The following BPIFA3 variants were observed in gnomAD, a reference collection of about 807,000 sequenced individuals.
BPIFA3 encodes the protein BPI fold-containing family A member 3.
In BPIFA3, 32 loss-of-function variants were observed where a neutral mutation model predicts 29.7. The observed-to-expected ratio is 1.08, with a 90% confidence interval of 0.81 to 1.45. BPIFA3 has a LOEUF of 1.45. Ranked by LOEUF, BPIFA3 falls within the 40% of genes most tolerant of loss-of-function variation. The pLI is 0.00. For missense variants in BPIFA3, 323 were observed against 311.3 expected (o/e 1.04, Z -0.28); for synonymous variants, 112 against 113.7 (o/e 0.98, Z 0.10).
chr20:33,226,876 A>G, intron 5 of BPIFA3, 54 bp from the exon 6 acceptor site: 2 of 1,608,728 alleles, frequency 1.2e-6, no homozygotes, highest in South Asian at 2.2e-5. Flanking sequence ...CAGTCACTTC[A>G]GTTTTCCTTT....
chr20:33,222,069 A>G (rs768558702), intron 1 of BPIFA3, among the ~76,000 whole-genome samples: 5 of 152,248 alleles, frequency 3.3e-5, no homozygotes, highest in Non-Finnish European at 7.3e-5. Flanking sequence ...TAGAGTACTT[A>G]GCTGCAGGCA....
In BPIFA3 at chr20:33,227,521, A is replaced by T; in HGVS notation, c.686-17A>T. ...GGTGGGCACACTGGTGACAGACGCT[A>T]CCTCTTCTCCTTACAGAACAGGAGG... On this transcript the variant is annotated splice_polypyrimidine_tract_variant and intron_variant, in intron 6 of 6. Coordinates refer to ENST00000375454, the MANE Select transcript of BPIFA3 (RefSeq NM_178466.5). 1 of 1,606,360 alleles carries T rather than the reference A, an allele frequency of 6.2e-7. No homozygotes were observed. Among genetic ancestry groups the T allele is most frequent in the Non-Finnish European group, 8.5e-7 (1 of 1,173,120 alleles).
At chr20:33,226,879 T>C in intron 5 of BPIFA3, 51 bp from the exon 6 acceptor site, 1 of 1,611,320 alleles carries the variant, frequency 6.2e-7, no homozygotes, top group South Asian at 1.1e-5. Context: ...TCACTTCAGT[T>C]TTCCTTTTCC....
chr20:33,225,223 G>A lies in BPIFA3; in HGVS notation c.512G>A (p.Ser171Asn), dbSNP rs563386656. 3.1e-6 allele frequency: 5 copies of A among 1,613,974 alleles called. No homozygotes were observed. In the South Asian group the frequency reaches 5.5e-5, roughly 18 times the overall value. The change falls in exon 4 of 7, where the codon AGT (serine) becomes AAT (asparagine). Residue 171 changes from serine to asparagine, a missense_variant. Coordinates refer to ENST00000375454, the MANE Select transcript of BPIFA3 (RefSeq NM_178466.5). The part of the protein sequence containing the change: ...VIGKCDAEPS[S>N]VHVAILTEAI... ...GGCAAATGCGATGCAGAGCCCAGCA[G>A]TGTCCATGTGGCCATCCTCACTGAG...
At chr20:33,223,250 C>A (rs532620606) in intron 1 of BPIFA3, among the ~76,000 whole-genome samples, 1 of 152,278 alleles carries the variant, frequency 6.6e-6, no homozygotes, top group East Asian at 1.9e-4. Flanking sequence ...AAATAATGTG[C>A]CCTGTGGTAC....
At position 33,226,976 on chromosome 20, in the gene BPIFA3, T is replaced by C. The variant is rs752882546; in HGVS notation, c.668T>C (p.Leu223Pro). 5.0e-6 allele frequency: 8 copies of C among 1,614,022 alleles called. No individual in the cohort carries two copies. Among genetic ancestry groups the C allele is most frequent in the Middle Eastern group, 1.6e-4 (1 of 6,062 alleles). The change falls in exon 6 of 7, where the codon CTG becomes CCG. Residue 223 changes from leucine to proline, a missense_variant. Leu to Pro is a moderately conservative substitution (Grantham distance 98, BLOSUM62 -3). Transcript: ENST00000375454. Reference protein sequence around the residue: ...GEILGQLDVKLLKSLIEQEAA... With the variant: ...GEILGQLDVKPLKSLIEQEAA... ...ATCCTCGGGCAGCTGGATGTGAAAC[T>C]GTTGAAAAGCCTCATAGGTGAGTGT...
rs757165126 is a variant in BPIFA3, at chr20:33,223,921, C to A, written c.238C>A (p.Leu80Ile). 6.2e-7 allele frequency: 1 copy of A among 1,614,196 alleles called. No individual in the cohort carries two copies. Among genetic ancestry groups the A allele is most frequent in the South Asian group, 1.1e-5 (1 of 91,076 alleles). The change falls in exon 2 of 7, where the codon CTA becomes ATA. Residue 80 changes from leucine to isoleucine, a missense_variant. Physicochemically the swap from Leu to Ile is conservative, Grantham distance 5. Coordinates refer to ENST00000375454, the MANE Select transcript of BPIFA3 (RefSeq NM_178466.5). ...AQVAPGLVGW[L>I]ISGRKHQQQQ... is the part of the protein sequence containing the mutation. ...AGTGGCCCCAGGGCTGGTGGGCTGG[C>A]TAATCAGCGGCAGGAAACACCAGCA...
Position 33,223,803 on chromosome 20 carries a change from A to C in BPIFA3, c.128-8A>C. 1 of 1,610,258 alleles carries C rather than the reference A, an allele frequency of 6.2e-7. No homozygotes were observed. Among genetic ancestry groups the C allele is most frequent in the Non-Finnish European group, 8.5e-7 (1 of 1,176,838 alleles). On this transcript the variant is annotated splice_polypyrimidine_tract_variant and splice_region_variant and intron_variant, in intron 1 of 6. Coordinates refer to ENST00000375454, the MANE Select transcript of BPIFA3 (RefSeq NM_178466.5). ...TGTGCAAAGTCAGTGGTCCTTGTGC[A>C]TTTCCAGTTATTGCTCAGGGCCTCA... is the stretch of plus-strand genomic sequence containing the variant.
At position 33,227,590 on chromosome 20, in the gene BPIFA3, A is replaced by C. The variant is rs1333346426; in HGVS notation, c.738A>C (p.Ala246=). 6.8e-6 allele frequency: 11 copies of C among 1,614,102 alleles called. No homozygotes were observed. Among genetic ancestry groups the C allele is most frequent in the Admixed American group, 1.7e-5 (1 of 60,020 alleles). Residue 246 remains alanine, a synonymous_variant, in exon 7 of 7, where the codon GCA becomes GCC. Transcript: ENST00000375454. ...ACCATGAAACCAGCCAACCCTCTGC[A>C]TGCCAGGCTGGAGAGTCCCCCAGCT... ...PTHHETSQPS[A]CQAGESPS
intron 3 of BPIFA3, among the ~76,000 whole-genome samples, 183 bp from the exon 4 acceptor site, chr20:33,224,915 C>T (rs1600630398): frequency 6.6e-6 from 1 of 152,152 alleles, no homozygotes; most frequent in Admixed American, 6.5e-5. Flanking sequence ...GTCACTCTGG[C>T]TACAGCTGTT....
At chr20:33,219,569 C>A (rs187647129) in intron 1 of BPIFA3, among the ~76,000 whole-genome samples, 1 of 152,116 alleles carries the variant, frequency 6.6e-6, no homozygotes, top group African/African-American at 2.4e-5. Flanking sequence ...TTTATGTATG[C>A]CTGTGTATGT....
Position 33,223,696 on chromosome 20 carries a change from A to C in BPIFA3, c.128-115A>C, listed in dbSNP as rs536184954. The stretch of plus-strand genomic sequence containing the variant: ...TCTCCATGGGGAGGTGGTGACATGC[A>C]CCACTCACTAAGCAATCAGATCTTG... On this transcript the variant is annotated intron_variant, in intron 1 of 6. Coordinates refer to ENST00000375454, the MANE Select transcript of BPIFA3 (RefSeq NM_178466.5). 1.5e-5 allele frequency: 17 copies of C among 1,130,534 alleles called. 1 individual carries two copies. Among genetic ancestry groups the C allele is most frequent in the Middle Eastern group, 2.6e-4 (1 of 3,854 alleles). The allele number at this position is 1,130,534 out of a possible 1,614,324, so 70.0% of individuals were successfully genotyped here.
At position 33,227,717 on chromosome 20, in the gene BPIFA3, C is replaced by A; in HGVS notation, c.*100C>A. On this transcript the variant is annotated 3_prime_UTR_variant, in exon 7 of 7. Transcript: ENST00000375454. ...AAAACTTTACCCCAGGCTCTGTGGA[C>A]ATACCATCCTCTCCTACAATAAACT... is the stretch of plus-strand genomic sequence containing the variant. 2.1e-6 allele frequency: 2 copies of A among 934,526 alleles called. No homozygotes were observed. Among genetic ancestry groups the A allele is most frequent in the Non-Finnish European group, 3.4e-6 (2 of 593,694 alleles). The allele number at this position is 934,526 out of a possible 1,614,324, so 57.9% of individuals were successfully genotyped here.
At chr20:33,218,486 A>G (rs1326474318) in intron 1 of BPIFA3, among the ~76,000 whole-genome samples, 1 of 152,234 alleles carries the variant, frequency 6.6e-6, no homozygotes, top group African/African-American at 2.4e-5. Flanking sequence ...GAATTAAACA[A>G]CACACATTCA....
In BPIFA3 at chr20:33,224,463, G is replaced by A. The variant is rs1280298233; in HGVS notation, c.386+1G>A. 21 of 1,607,274 alleles carry A rather than the reference G, an allele frequency of 1.3e-5. No homozygotes were observed. Among genetic ancestry groups the A allele is most frequent in the East Asian group, 6.7e-5 (3 of 44,876 alleles). ...TTGAATTTGACCTTGAATTGAGACC[G>A]TGAGTCATACAGAAGCAGAATCTGA... On this transcript the variant is annotated splice_donor_variant, in intron 3 of 6. Coordinates refer to ENST00000375454, the MANE Select transcript of BPIFA3 (RefSeq NM_178466.5). LOFTEE classifies it high-confidence loss of function.
At position 33,226,410 on chromosome 20, in the gene BPIFA3, A is replaced by G. The variant is rs764559548; in HGVS notation, c.541A>G (p.Ile181Val). Residue 181 changes from isoleucine (I) to valine (V), a missense_variant, in exon 5 of 7, where the codon ATC becomes GTC. Transcript: ENST00000375454. ...SVHVAILTEA[I>V]PPKMNQFLYN... ...TGCCTCTACCTTTCTTTCTAGGGCT[A>G]TCCCACCAAAGATGAATCAGTTTCT... is the stretch of plus-strand genomic sequence containing the variant. 9 of 1,611,174 alleles carry G rather than the reference A, an allele frequency of 5.6e-6. No individual in the cohort carries two copies. In the Admixed American group the frequency reaches 8.4e-5, roughly 15 times the overall value.
chr20:33,225,380 C>T, intron 4 of BPIFA3, 133 bp downstream of exon 4: 1 of 1,286,442 alleles, frequency 7.8e-7, no homozygotes, highest in Non-Finnish European at 1.1e-6. Flanking sequence ...TGCTCCTCCT[C>T]CCATGTTCCC....
intron 1 of BPIFA3, among the ~76,000 whole-genome samples, chr20:33,220,897 C>T (rs1985480497): frequency 6.6e-6 from 1 of 152,136 alleles, no homozygotes; most frequent in African/African-American, 2.4e-5. Flanking sequence ...CCAGAATTCC[C>T]CTACAAGTAA....
At chr20:33,224,755 G>A (rs1436043906) in intron 3 of BPIFA3, among the ~76,000 whole-genome samples, 2 of 152,156 alleles carry the variant, frequency 1.3e-5, no homozygotes, top group Admixed American at 6.5e-5. Flanking sequence ...TCATCTCATC[G>A]CCCCTGCTCA....
Sources: allele counts gnomAD v4.1 joint callset (sites outside exome capture counted in the v4.1 genomes callset), GRCh38; gene constraint gnomAD v4.1.1; transcripts MANE v1.5; gene names NCBI Gene and HGNC (gene_info 2026-07-23, HGNC 2026-07-21).